The following AKAP19 variants were observed in gnomAD, a reference collection of about 807,000 sequenced individuals.
AKAP19 encodes the protein small A-kinase anchoring protein.
chr2:190,135,629 G>A, the AKAP19 span, among the ~76,000 whole-genome samples: 8 of 152,248 alleles, frequency 5.3e-5, no homozygotes, highest in African/African-American at 1.2e-4. Flanking sequence ...CCAGCTCTAC[G>A]GCTTACCGTG....
the AKAP19 span, among the ~76,000 whole-genome samples, chr2:190,197,779 A>G: frequency 6.6e-6 from 1 of 152,216 alleles, no homozygotes; most frequent in Non-Finnish European, 1.5e-5. This position sits in a 1 kb window ranked among gnomAD's most constrained non-coding sequence, Gnocchi z 4.0. Flanking sequence ...CAAATGCACA[A>G]ATCTGGCACT....
the AKAP19 span, among the ~76,000 whole-genome samples, chr2:189,970,476 G>T: frequency 6.6e-6 from 1 of 151,994 alleles, no homozygotes; most frequent in African/African-American, 2.4e-5. Flanking sequence ...AAGGTAAATG[G>T]CATCACAATG....
At chr2:190,181,211 T>A in the AKAP19 span, 1 of 940,118 alleles carries the variant, frequency 1.1e-6, no homozygotes, top group South Asian at 4.9e-5. Context: ...CAGAAACCCA[T>A]GAGTTACAGG....
At chr2:190,161,218 T>G in the AKAP19 span, among the ~76,000 whole-genome samples, 1 of 152,180 alleles carries the variant, frequency 6.6e-6, no homozygotes, top group Non-Finnish European at 1.5e-5. Context: ...GCTAGGAAAT[T>G]CTTGCCTCCA....
chr2:190,144,232 C>T, the AKAP19 span, among the ~76,000 whole-genome samples: 133,581 of 146,634 alleles, frequency 0.91, 61,710 homozygotes, highest in East Asian at 1. Flanking sequence ...AAACAATTAA[C>T]AAAAAGGCTC....
chr2:189,902,665 T>C, the AKAP19 span, among the ~76,000 whole-genome samples: 6 of 152,032 alleles, frequency 3.9e-5, no homozygotes, highest in African/African-American at 1.4e-4. Flanking sequence ...AGGATATAAA[T>C]ACCATCTATA....
the AKAP19 span, among the ~76,000 whole-genome samples, chr2:189,915,928 T>C: frequency 1.3e-5 from 2 of 152,186 alleles, no homozygotes; most frequent in Non-Finnish European, 2.9e-5. Flanking sequence ...TTCAGCATTA[T>C]CATTTTATTT....
At chr2:190,065,378 GGT>G in the AKAP19 span, among the ~76,000 whole-genome samples, 1 of 152,056 alleles carries the variant, frequency 6.6e-6, no homozygotes, top group South Asian at 2.1e-4. Context: ...TGGTGGTGAT[GGT>G]TACACAACAG....
At chr2:190,089,769 A>G in the AKAP19 span, among the ~76,000 whole-genome samples, 2,956 of 152,286 alleles carry the variant, frequency 0.019, 97 homozygotes, top group African/African-American at 0.067. Flanking sequence ...GACTCCCCAG[A>G]GTCCTAAGTT....
the AKAP19 span, among the ~76,000 whole-genome samples, chr2:189,973,297 T>C: frequency 1.6e-4 from 25 of 152,308 alleles, no homozygotes; most frequent in Non-Finnish European, 2.6e-4. Flanking sequence ...TATTGATTTG[T>C]GTATGTTGAA....
At chr2:190,076,717 A>C in the AKAP19 span, among the ~76,000 whole-genome samples, 111 of 152,304 alleles carry the variant, frequency 7.3e-4, no homozygotes, top group Non-Finnish European at 1.3e-3. Flanking sequence ...CTTTGTCAGT[A>C]ATTCTCAGCA....
chr2:190,062,593 G>C, the AKAP19 span: 5 of 1,611,020 alleles, frequency 3.1e-6, no homozygotes, highest in Non-Finnish European at 3.4e-6. Context: ...TGCAGTTTTT[G>C]CATGATTTTA....
the AKAP19 span, among the ~76,000 whole-genome samples, chr2:189,897,191 T>C: frequency 5.3e-5 from 8 of 152,290 alleles, no homozygotes; most frequent in South Asian, 1.7e-3. Context: ...ACTTCGTATT[T>C]CTTATTTCTT....
chr2:190,184,534 T>C, the AKAP19 span, among the ~76,000 whole-genome samples: 1 of 152,202 alleles, frequency 6.6e-6, no homozygotes, highest in Non-Finnish European at 1.5e-5. Context: ...ACTCCTGCCC[T>C]TGAGGAATAT....
the AKAP19 span, among the ~76,000 whole-genome samples, chr2:190,102,591 T>C: frequency 6.6e-6 from 1 of 152,078 alleles, no homozygotes; most frequent in South Asian, 2.1e-4. Context: ...CTAGAGGAAA[T>C]TGATAAATTC....
chr2:189,981,188 C>G, the AKAP19 span, among the ~76,000 whole-genome samples: 3 of 151,774 alleles, frequency 2.0e-5, no homozygotes, highest in Non-Finnish European at 4.4e-5. Context: ...CCTGGATGCT[C>G]CAATGTTGGG....
At chr2:189,957,602 ATAT>A in the AKAP19 span, among the ~76,000 whole-genome samples, 2 of 152,226 alleles carry the variant, frequency 1.3e-5, no homozygotes, top group Admixed American at 1.3e-4. Context: ...AAATAAGAAG[ATAT>A]TATTATATGA....
At chr2:190,190,999 A>G in the AKAP19 span, among the ~76,000 whole-genome samples, 1 of 152,120 alleles carries the variant, frequency 6.6e-6, no homozygotes, top group Non-Finnish European at 1.5e-5. Context: ...CTTTTTCCAG[A>G]ATGTCATATA....
the AKAP19 span, among the ~76,000 whole-genome samples, chr2:190,148,953 C>CTTTT: frequency 9.0e-5 from 12 of 134,062 alleles, no homozygotes; most frequent in African/African-American, 3.4e-4. Flanking sequence ...TCTTTTCTTT[C>CTTTT]TTTTTTTTTT....
Sources: gnomAD v4.1 joint callset for allele counts (sites outside exome capture counted in the v4.1 genomes callset) on GRCh38, gnomAD v4.1.1 for gene constraint, Gnocchi (gnomAD v3.1) non-coding constraint, MANE v1.5 for transcripts, NCBI Gene and HGNC (gene_info 2026-07-23, HGNC 2026-07-21) for gene names.